ZNF525: variants seen among roughly 807,000 people sequenced by gnomAD.
The protein encoded by ZNF525 is zinc finger protein 525.
A neutral mutation model predicts 37.6 loss-of-function variants in ZNF525; 33 were observed. That is an observed-to-expected ratio of 0.88 (90% CI 0.67 to 1.17). The LOEUF is 1.17. Among genes scored for constraint, ZNF525 ranks in the 50% most tolerant of loss-of-function variants. The probability of loss-of-function intolerance (pLI) is 0.00; values close to 1 mark genes in which losing one functional copy is unlikely to be tolerated. For missense variants in ZNF525, 449 were observed against 543.1 expected (o/e 0.83, Z 1.72); for synonymous variants, 170 against 182.3 (o/e 0.93, Z 0.54).
Position 53,382,820 on chromosome 19 carries a change from T to C in ZNF525, c.*801T>C, listed in dbSNP as rs1403220745. On this transcript the variant is annotated 3_prime_UTR_variant, in exon 4 of 4. Transcript: ENST00000474037. ...TCATGCTGGAGAGAAACCTTACAAA[T>C]GTGAAGAATGTGATAAAGCTTTCAG... 1 of 1,223,164 alleles carries C rather than the reference T, an allele frequency of 8.2e-7. No homozygotes were observed. The allele number at this position is 1,223,164 out of a possible 1,614,324, so 75.8% of individuals were successfully genotyped here.
chr19:53,385,159 A>G lies in ZNF525; in HGVS notation c.*3140A>G, dbSNP rs2085596328. 2 of 516,632 alleles carry G rather than the reference A, an allele frequency of 3.9e-6. No homozygotes were observed. Among genetic ancestry groups the G allele is most frequent in the African/African-American group, 2.0e-5 (1 of 50,606 alleles). The allele number at this position is 516,632 out of a possible 1,614,324, so 32.0% of individuals were successfully genotyped here. A position where few individuals can be genotyped will look rare whatever the true frequency, so the allele number is the denominator to read the frequency against. On this transcript the variant is annotated 3_prime_UTR_variant, in exon 4 of 4. Transcript: ENST00000474037. ...CTACATTTTTTTAATATCCTCTTGA[A>G]TACAGTTTTCTAGGACAAGGGATCT...
At chr19:53,368,548 C>T (rs1423364237) in intron 1 of ZNF525, among the ~76,000 whole-genome samples, 1 of 152,156 alleles carries the variant, frequency 6.6e-6, no homozygotes, top group African/African-American at 2.4e-5. Context: ...GGCCAGTGGT[C>T]TCCTATGTTA....
intron 1 of ZNF525, among the ~76,000 whole-genome samples, chr19:53,366,540 GAAA>G (rs57967171): frequency 6.7e-4 from 83 of 124,150 alleles, no homozygotes; most frequent in South Asian, 1.0e-3. Flanking sequence ...CAGCAAAAGT[GAAA>G]AAAAAAAAAA....
In ZNF525 at chr19:53,381,975, C is replaced by T; in HGVS notation, c.1396C>T (p.Pro466Ser). The change falls in exon 4 of 4, where the codon CCT becomes TCT. Residue 466 changes from proline (P) to serine (S), a missense_variant. Transcript: ENST00000474037. The stretch of plus-strand genomic sequence containing the variant: ...TTGTAGACTTCATAGTGGAGAGAAA[C>T]CTTGCAAGTGTGGAGAATGTGACAA... ...CHCRLHSGEK[P>S]CKCGECDKAY... 9.3e-7 allele frequency: 1 copy of T among 1,075,686 alleles called. No homozygotes were observed. Among genetic ancestry groups the T allele is most frequent in the South Asian group, 1.3e-5 (1 of 78,414 alleles). The allele number at this position is 1,075,686 out of a possible 1,614,324, so 66.6% of individuals were successfully genotyped here. A position where few individuals can be genotyped will look rare whatever the true frequency, so the allele number is the denominator to read the frequency against.
intron 1 of ZNF525, among the ~76,000 whole-genome samples, chr19:53,370,331 A>G (rs2147064489): frequency 6.6e-6 from 1 of 150,968 alleles, no homozygotes; most frequent in South Asian, 2.1e-4. Flanking sequence ...AGGCAGGAGA[A>G]TGGTGTGAAC....
chr19:53,375,762 C>A lies in ZNF525; in HGVS notation c.16-8C>A, dbSNP rs1956724767. ...TAACCATTTGGTTAAAATGTGTTTTCATTTCAGGGTCTATTGACATTCAGG... is the reference window on the plus strand; with the variant it reads ...TAACCATTTGGTTAAAATGTGTTTTAATTTCAGGGTCTATTGACATTCAGG... On this transcript the variant is annotated splice_region_variant and splice_polypyrimidine_tract_variant and intron_variant, in intron 2 of 3. Transcript: ENST00000474037. 5 of 1,613,382 alleles carry A rather than the reference C, an allele frequency of 3.1e-6. No individual in the cohort carries two copies. In the African/African-American group the frequency reaches 6.7e-5, roughly 22 times the overall value.
At position 53,381,728 on chromosome 19, in the gene ZNF525, C is replaced by T; in HGVS notation, c.1149C>T (p.Tyr383=). The change falls in exon 4 of 4, where the codon TAC becomes TAT. Residue 383 remains tyrosine, a synonymous_variant. Transcript: ENST00000474037. ...TAACTCATACTGGAGAGAAACCATA[C>T]AAGTGTAATGATTGTGGCAAGACCT... ...HRITHTGEKP[Y]KCNDCGKTFS... is the part of the protein sequence containing the mutation. 1 of 1,083,302 alleles carries T rather than the reference C, an allele frequency of 9.2e-7. No homozygotes were observed. The highest frequency in any genetic ancestry group is 2.0e-4 in the Middle Eastern group (1 of 5,066). The allele number at this position is 1,083,302 out of a possible 1,614,324, so 67.1% of individuals were successfully genotyped here.
At position 53,372,253 on chromosome 19, in the gene ZNF525, C is replaced by T. The variant is rs763233873; in HGVS notation, c.-29C>T. On this transcript the variant is annotated 5_prime_UTR_variant, in exon 2 of 4. Transcript: ENST00000474037. ...AGACTCTTGGTACATGAGGAAGAAA[C>T]CCGGAAAAGGAAAGCAGAGGAGTCA... The T allele has an allele frequency of 4.8e-5, 36 of 747,740 alleles. No individual in the cohort carries two copies. In the South Asian group the frequency reaches 5.2e-4, roughly 11 times the overall value. The allele number at this position is 747,740 out of a possible 1,614,324, so 46.3% of individuals were successfully genotyped here.
In ZNF525 at chr19:53,381,632, A is replaced by G. The variant is rs772854621; in HGVS notation, c.1053A>G (p.Gly351=). The change falls in exon 4 of 4, where the codon GGA becomes GGG. Residue 351 remains glycine, a synonymous_variant. Coordinates refer to ENST00000474037, the MANE Select transcript of ZNF525 (RefSeq NM_001348156.2). ...CATGCCATCGTAGCATTCATACTGGAAAGAAACCTTACGAATGTGAAGAAT... is the reference window on the plus strand; with the variant it reads ...CATGCCATCGTAGCATTCATACTGGGAAGAAACCTTACGAATGTGAAGAAT... ...YLACHRSIHT[G]KKPYECEECD... 2.7e-6 allele frequency: 3 copies of G among 1,128,698 alleles called. No individual in the cohort carries two copies. Among genetic ancestry groups the G allele is most frequent in the East Asian group, 4.7e-5 (2 of 42,756 alleles). The allele number at this position is 1,128,698 out of a possible 1,614,324, so 69.9% of individuals were successfully genotyped here.
chr19:53,383,057 G>A lies in ZNF525; in HGVS notation c.*1038G>A, dbSNP rs1402841467. The A allele has an allele frequency of 7.0e-7, 1 of 1,436,882 alleles. No individual in the cohort carries two copies. Among genetic ancestry groups the A allele is most frequent in the South Asian group, 1.1e-5 (1 of 87,524 alleles). The allele number at this position is 1,436,882 out of a possible 1,614,324, so 89.0% of individuals were successfully genotyped here. On this transcript the variant is annotated 3_prime_UTR_variant, in exon 4 of 4. Coordinates refer to ENST00000474037, the MANE Select transcript of ZNF525 (RefSeq NM_001348156.2). ...ATGTCATCATAGACTTCATACTGGA[G>A]AGAACGCTTGCAAGTGTAATAAATG...
rs10410806 is a variant in ZNF525, at chr19:53,383,939, C to T, written c.*1920C>T. On this transcript the variant is annotated 3_prime_UTR_variant, in exon 4 of 4. Coordinates refer to ENST00000474037, the MANE Select transcript of ZNF525 (RefSeq NM_001348156.2). The stretch of plus-strand genomic sequence containing the variant: ...TGGCAAAGCCTTTACTTCACATTCT[C>T]ACCTCATTAGACATCAGAGAATCCA... 1.9e-3 allele frequency: 1,377 copies of T among 729,238 alleles called. 10 individuals are homozygous for T. In the African/African-American group the frequency reaches 0.022, roughly 11 times the overall value. The allele number at this position is 729,238 out of a possible 1,614,324, so 45.2% of individuals were successfully genotyped here.
chr19:53,381,143 A>T lies in ZNF525; in HGVS notation c.564A>T (p.Ile188=). Reference sequence around the variant, plus strand: ...TTTCTTGTAGGCCCAAAACCCATATATCTAATAACTATGGGGATAATTTTC... The same window carrying T: ...TTTCTTGTAGGCCCAAAACCCATATTTCTAATAACTATGGGGATAATTTTC... ...QRISCRPKTH[I]SNNYGDNFLN... is the part of the protein sequence containing the mutation. The change falls in exon 4 of 4, where the codon ATA becomes ATT. Residue 188 remains isoleucine (I), a synonymous_variant. Coordinates refer to ENST00000474037, the MANE Select transcript of ZNF525 (RefSeq NM_001348156.2). 2 of 1,387,672 alleles carry T rather than the reference A, an allele frequency of 1.4e-6. No homozygotes were observed. The highest frequency in any genetic ancestry group is 2.1e-6 in the Non-Finnish European group (2 of 973,968). The allele number at this position is 1,387,672 out of a possible 1,614,324, so 86.0% of individuals were successfully genotyped here.
intron 3 of ZNF525, among the ~76,000 whole-genome samples, chr19:53,378,494 T>C (rs2085536921): frequency 6.6e-6 from 1 of 152,114 alleles, no homozygotes; most frequent in Admixed American, 6.6e-5. Flanking sequence ...ATCGTGCCAC[T>C]ACACTCCAGC....
chr19:53,378,586 T>G (rs1568760077), intron 3 of ZNF525, among the ~76,000 whole-genome samples: 2 of 152,054 alleles, frequency 1.3e-5, no homozygotes, highest in African/African-American at 2.4e-5. Flanking sequence ...ACACAGAAAT[T>G]TATTTCTCAT....
chr19:53,369,750 G>A (rs1477695275), intron 1 of ZNF525, among the ~76,000 whole-genome samples: 2 of 103,662 alleles, frequency 1.9e-5, no homozygotes, highest in Non-Finnish European at 3.6e-5. Context: ...TTTTTGAGAC[G>A]GAGTCTCGCT....
Position 53,383,528 on chromosome 19 carries a change from G to C in ZNF525, c.*1509G>C. The C allele has an allele frequency of 3.1e-6, 4 of 1,304,352 alleles. No individual in the cohort carries two copies. Among genetic ancestry groups the C allele is most frequent in the Non-Finnish European group, 4.3e-6 (4 of 937,622 alleles). 80.8% of individuals were successfully genotyped at this position (1,304,352 alleles called of 1,614,324 possible). On this transcript the variant is annotated 3_prime_UTR_variant, in exon 4 of 4. Transcript: ENST00000474037. ...GGCTTTCGGACGTGATTCACACCTG[G>C]CACAACATCCCAGAGTTCACACTGG...
rs746852204 is a variant in ZNF525, at chr19:53,381,357, C to T, written c.778C>T (p.Arg260Cys). 45 of 1,594,270 alleles carry T rather than the reference C, an allele frequency of 2.8e-5. No homozygotes were observed. Among genetic ancestry groups the T allele is most frequent in the Admixed American group, 6.7e-5 (4 of 59,972 alleles). Residue 260 changes from arginine to cysteine, a missense_variant, in exon 4 of 4, where the codon CGC becomes TGC. Physicochemically the swap from Arg to Cys is radical, Grantham distance 180 (BLOSUM62 -3). Coordinates refer to ENST00000474037, the MANE Select transcript of ZNF525 (RefSeq NM_001348156.2). Reference sequence around the variant, plus strand: ...CTTTATTCGGAAGCGATACCTTGCACGCCATCGTAGATGTCACACTGGTGA... The same window carrying T: ...CTTTATTCGGAAGCGATACCTTGCATGCCATCGTAGATGTCACACTGGTGA... ...KVFIRKRYLARHRRCHTGEKP... is the reference protein window; with the variant it reads ...KVFIRKRYLACHRRCHTGEKP...
intron 3 of ZNF525, chr19:53,376,379 T>G: frequency 1.4e-6 from 1 of 693,398 alleles, no homozygotes; most frequent in Non-Finnish European, 2.6e-6. Context: ...ATATTTGCAT[T>G]TGAAATATTA....
Position 53,383,180 on chromosome 19 carries a change from T to C in ZNF525, c.*1161T>C, listed in dbSNP as rs1406050973. On this transcript the variant is annotated 3_prime_UTR_variant, in exon 4 of 4. Coordinates refer to ENST00000474037, the MANE Select transcript of ZNF525 (RefSeq NM_001348156.2). ...GTGTAATGAGTGTGGCAAGACCTAC[T>C]CTCACAATTCAGTCCTTGTAATTCA... The C allele has an allele frequency of 3.0e-6, 4 of 1,344,274 alleles. No individual in the cohort carries two copies. Among genetic ancestry groups the C allele is most frequent in the African/African-American group, 3.0e-5 (2 of 65,620 alleles). The allele number at this position is 1,344,274 out of a possible 1,614,324, so 83.3% of individuals were successfully genotyped here.
Sources: gnomAD v4.1 joint callset for allele counts (sites outside exome capture counted in the v4.1 genomes callset) on GRCh38, gnomAD v4.1.1 for gene constraint, MANE v1.5 for transcripts, NCBI Gene and HGNC (gene_info 2026-07-23, HGNC 2026-07-21) for gene names.